Variants in CTNNA2 observed in about 807,000 individuals in gnomAD.
CTNNA2 encodes catenin alpha-2.
A neutral mutation model predicts 101.0 loss-of-function variants in CTNNA2; 42 were observed. The ratio of observed to expected loss-of-function variants is 0.42; its 90% CI spans 0.32 to 0.54. The LOEUF is 0.54. Among genes scored for constraint, CTNNA2 ranks in the 20% least tolerant of loss-of-function variants. The probability of loss-of-function intolerance (pLI) is 0.14; values close to 1 mark genes in which losing one functional copy is unlikely to be tolerated. For synonymous variants in CTNNA2, 450 were observed against 456.4 expected (o/e 0.99, Z 0.18); for missense variants, 871 against 1,223.1 (o/e 0.71, Z 4.29).
chr2:80,427,760 A>G (rs895867821), intron 9 of CTNNA2, among the ~76,000 whole-genome samples: 1 of 152,232 alleles, frequency 6.6e-6, no homozygotes, highest in African/African-American at 2.4e-5. Context: ...ACCCTTGAGT[A>G]AATTGCTCTT....
intron 7 of CTNNA2, among the ~76,000 whole-genome samples, chr2:79,920,111 G>A (rs1459496032): frequency 6.6e-6 from 1 of 152,138 alleles, no homozygotes; most frequent in Non-Finnish European, 1.5e-5. Flanking sequence ...CAGCTACTTG[G>A]GAGGCTGAGG....
intron 9 of CTNNA2, among the ~76,000 whole-genome samples, chr2:80,518,910 C>G (rs1408094220): frequency 6.6e-6 from 1 of 152,206 alleles, no homozygotes; most frequent in East Asian, 1.9e-4. Context: ...TTTTCTTTTC[C>G]TGGTTTCTGT....
chr2:79,307,054 C>T (rs1676264349), intron 2 of CTNNA2, among the ~76,000 whole-genome samples: 1 of 151,812 alleles, frequency 6.6e-6, no homozygotes, highest in African/African-American at 2.4e-5. Context: ...TCTCCCACTC[C>T]ATAACTATTT....
intron 2 of CTNNA2, among the ~76,000 whole-genome samples, chr2:79,701,250 G>T (rs1047071769): frequency 5.3e-5 from 8 of 152,030 alleles, no homozygotes; most frequent in Non-Finnish European, 1.0e-4. Context: ...TATACTACCT[G>T]CCCAGAATCA....
intron 7 of CTNNA2, among the ~76,000 whole-genome samples, chr2:80,318,450 G>C (rs943255005): frequency 1.3e-5 from 2 of 152,042 alleles, no homozygotes; most frequent in African/African-American, 4.8e-5. Context: ...TTAGGTTTGG[G>C]TTTTGCCACT....
At chr2:79,929,644 A>C (rs924610677) in intron 7 of CTNNA2, among the ~76,000 whole-genome samples, 1 of 152,202 alleles carries the variant, frequency 6.6e-6, no homozygotes, top group Non-Finnish European at 1.5e-5. Flanking sequence ...CTAGACATGC[A>C]TCTGTTGGTT....
At position 79,701,204 on chromosome 2, in the gene CTNNA2, T is replaced by C. The variant is rs570782376; in HGVS notation, c.103-43183T>C. ...AGTTCTTATGAAACAGTGCCACTTGTATCCCACAGATGTGGAAATTGGGGT... is the reference window on the plus strand; with the variant it reads ...AGTTCTTATGAAACAGTGCCACTTGCATCCCACAGATGTGGAAATTGGGGT... On this transcript the variant is annotated intron_variant, in intron 2 of 18. Transcript: ENST00000402739. Among the ~76,000 whole-genome samples, 3 of 152,232 alleles carry C rather than the reference T, an allele frequency of 2.0e-5. 1 individual carries two copies. Among genetic ancestry groups the C allele is most frequent in the Middle Eastern group, 6.8e-3 (2 of 294 alleles).
chr2:79,472,774 C>A (rs899155907), intron 4 of CTNNA2, among the ~76,000 whole-genome samples: 1 of 152,092 alleles, frequency 6.6e-6, no homozygotes, highest in Non-Finnish European at 1.5e-5. Context: ...AGTTCTAGTT[C>A]TTTTTGCTTA....
At chr2:79,749,153 T>G (rs1279688504) in intron 3 of CTNNA2, among the ~76,000 whole-genome samples, 1 of 152,092 alleles carries the variant, frequency 6.6e-6, no homozygotes, top group Non-Finnish European at 1.5e-5. Context: ...CTACACCCCA[T>G]GTTCCATGGG....
At position 80,566,875 on chromosome 2, in the gene CTNNA2, G is replaced by A. The variant is rs188807829; in HGVS notation, c.1742-7288G>A. The stretch of plus-strand genomic sequence containing the variant: ...CTATTTGACTTAGGTTTAGAGATTC[G>A]AACATTAATTGAAGAAGCTCTTTAG... On this transcript the variant is annotated intron_variant, in intron 12 of 18. Coordinates refer to ENST00000402739, the MANE Select transcript of CTNNA2 (RefSeq NM_001282597.3). 1.4e-3 allele frequency among the ~76,000 whole-genome samples: 215 copies of A among 152,252 alleles called. 1 individual carries two copies. The highest frequency in any genetic ancestry group is 5.0e-3 in the African/African-American group (208 of 41,544).
chr2:80,550,610 A>G (rs1232621549), intron 11 of CTNNA2, among the ~76,000 whole-genome samples: 1 of 152,196 alleles, frequency 6.6e-6, no homozygotes, highest in African/African-American at 2.4e-5. Flanking sequence ...TGTTCACACT[A>G]TCATAGCTAG....
chr2:79,655,263 A>G (rs994208221), intron 2 of CTNNA2, among the ~76,000 whole-genome samples: 1 of 152,178 alleles, frequency 6.6e-6, no homozygotes, highest in African/African-American at 2.4e-5. Flanking sequence ...TATCATACAG[A>G]TTAAATGAAA....
At chr2:79,886,149 G>A (rs543186612) in intron 6 of CTNNA2, among the ~76,000 whole-genome samples, 41 of 152,326 alleles carry the variant, frequency 2.7e-4, no homozygotes, top group Admixed American at 5.9e-4. Flanking sequence ...GTGCGTAAGG[G>A]GGTGGAATTG....
chr2:79,794,135 AAAAAAAT>A (rs1675508657), intron 3 of CTNNA2, among the ~76,000 whole-genome samples: 1 of 148,304 alleles, frequency 6.7e-6, no homozygotes. Flanking sequence ...CTGTGGAAAT[AAAAAAAT>A]AAAAAATAAA....
chr2:79,200,383 C>CA (rs34255396), intron 2 of CTNNA2, among the ~76,000 whole-genome samples: 1,902 of 110,104 alleles, frequency 0.017, 18 homozygotes, highest in African/African-American at 0.021. Context: ...GACTCCGTCT[C>CA]AAAAAAAAAA....
chr2:80,036,685 G>A (rs977385614), intron 7 of CTNNA2, among the ~76,000 whole-genome samples: 4 of 152,282 alleles, frequency 2.6e-5, no homozygotes, highest in African/African-American at 9.6e-5. Context: ...TATGTTGACA[G>A]CAGGGAGCTT....
chr2:80,279,577 G>A (rs1239728813), intron 7 of CTNNA2, among the ~76,000 whole-genome samples: 2 of 151,902 alleles, frequency 1.3e-5, no homozygotes, highest in African/African-American at 4.8e-5. Context: ...CTCATTTTCT[G>A]TCCTGGCTCT....
At chr2:79,484,126 A>G (rs1025972248) in intron 4 of CTNNA2, among the ~76,000 whole-genome samples, 1 of 152,126 alleles carries the variant, frequency 6.6e-6, no homozygotes, top group Non-Finnish European at 1.5e-5. Flanking sequence ...CTTTCCTGCA[A>G]GCTACTTGGG....
chr2:79,187,014 G>C (rs76599191), intron 1 of CTNNA2, among the ~76,000 whole-genome samples: 5,339 of 152,116 alleles, frequency 0.035, 155 homozygotes, highest in Admixed American at 0.086. Flanking sequence ...GACCTTGGAA[G>C]AATAAAACAT....
Sources: allele counts gnomAD v4.1 joint callset (sites outside exome capture counted in the v4.1 genomes callset), GRCh38; gene constraint gnomAD v4.1.1; transcripts MANE v1.5; gene names NCBI Gene and HGNC (gene_info 2026-07-23, HGNC 2026-07-21).